The following MAML3 variants were observed in gnomAD, a reference collection of about 807,000 sequenced individuals.
MAML3 encodes mastermind-like protein 3.
In MAML3, 27 loss-of-function variants were observed where a neutral mutation model predicts 101.9. The observed-to-expected ratio is 0.27, with a 90% CI of 0.20 to 0.37. The LOEUF (loss-of-function observed/expected upper bound fraction) is 0.37, where lower values mean the gene tolerates loss of function less well. Among genes scored for constraint, MAML3 ranks in the 10% least tolerant of loss-of-function variants. The pLI, the probability that MAML3 is intolerant of heterozygous loss-of-function variation, is 1.00. For missense variants in MAML3, 1,316 were observed against 1,444.9 expected, an observed-to-expected ratio of 0.91 and a Z score of 1.45; for synonymous variants, 501 against 555.9, an observed-to-expected ratio of 0.90 and a Z score of 1.39.
chr4:139,889,909 TTGCTGCTGCTGCTGC>T lies in MAML3; in HGVS notation c.1512_1526del (p.Gln506_Gln510del), dbSNP rs58015886. On this transcript the variant is annotated inframe_deletion, in exon 2 of 5. Coordinates refer to ENST00000509479, the MANE Select transcript of MAML3 (RefSeq NM_018717.5). ...AATTTGAAGTCTGATTTGAGTGCTGTTGCTGCTGCTGCTGCTGCTGCTGCTGCTGCTGCTGCTGCT... is the reference window on the plus strand; with the variant it reads ...AATTTGAAGTCTGATTTGAGTGCTGTTGCTGCTGCTGCTGCTGCTGCTGCT... The T allele has an allele frequency of 5.0e-4, 732 of 1,476,490 alleles. 15 individuals carry two copies. In the Middle Eastern group the frequency reaches 8.5e-3, roughly 17 times the overall value. The allele number at this position is 1,476,490 out of a possible 1,614,324, so 91.5% of individuals were successfully genotyped here. A position where few individuals can be genotyped will look rare whatever the true frequency, so the allele number is the denominator to read the frequency against.
chr4:139,719,979 C>G lies in MAML3; in HGVS notation c.2761G>C (p.Val921Leu), dbSNP rs1728163780. ...TGTTGCTGGGTAATGGCTGAGTTCA[C>G]CAGCATGCTCTGACCAAAGCCACTC... is the stretch of plus-strand genomic sequence containing the variant. ...MVSGFGQSML[V>L]NSAITQQHPQ... is the part of the protein sequence containing the mutation. Residue 921 changes from valine to leucine, a missense_variant, in exon 5 of 5, where the codon GTG becomes CTG. Coordinates refer to ENST00000509479, the MANE Select transcript of MAML3 (RefSeq NM_018717.5). The G allele has an allele frequency of 6.2e-7, 1 of 1,613,962 alleles. No homozygotes were observed. The highest frequency in any genetic ancestry group is 8.5e-7 in the Non-Finnish European group (1 of 1,179,908).
intron 2 of MAML3, among the ~76,000 whole-genome samples, chr4:139,781,503 A>C: frequency 7.8e-6 from 1 of 127,806 alleles, no homozygotes; most frequent in African/African-American, 3.3e-5. Flanking sequence ...ATCGCAGAGC[A>C]TTTTCATATA....
chr4:140,050,495 A>G (rs1229959348), intron 1 of MAML3, among the ~76,000 whole-genome samples: 2 of 152,174 alleles, frequency 1.3e-5, no homozygotes, highest in African/African-American at 4.8e-5. Flanking sequence ...CACTGACTAC[A>G]GTGACACCTA....
intron 1 of MAML3, among the ~76,000 whole-genome samples, chr4:140,123,559 G>T (rs1259753451): frequency 2.0e-5 from 3 of 151,750 alleles, no homozygotes; most frequent in African/African-American, 7.3e-5. Context: ...CTGTTTTCTG[G>T]TTCCTAAGTC....
chr4:140,076,364 T>C (rs1727765898), intron 1 of MAML3, among the ~76,000 whole-genome samples: 1 of 152,172 alleles, frequency 6.6e-6, no homozygotes, highest in African/African-American at 2.4e-5. Context: ...ATGCATTTTT[T>C]TGTAAAACAA....
intron 1 of MAML3, among the ~76,000 whole-genome samples, chr4:139,897,826 A>C (rs1732641594): frequency 6.6e-6 from 1 of 151,870 alleles, no homozygotes; most frequent in African/African-American, 2.4e-5. Context: ...TCCCAGCTAA[A>C]CTCTCCAGGC....
In MAML3 at chr4:139,842,755, C is replaced by T. The variant is rs534322571; in HGVS notation, c.2079+46602G>A. Reference sequence around the variant, plus strand: ...CTCGAACTCCTGGCCTCAAGTTATCCGCTTGCCTTTTTTTTTTTTTTTTTT... The same window carrying T: ...CTCGAACTCCTGGCCTCAAGTTATCTGCTTGCCTTTTTTTTTTTTTTTTTT... On this transcript the variant is annotated intron_variant, in intron 2 of 4. Coordinates refer to ENST00000509479, the MANE Select transcript of MAML3 (RefSeq NM_018717.5). Among the ~76,000 whole-genome samples, 16 of 124,130 alleles carry T rather than the reference C, an allele frequency of 1.3e-4. No homozygotes were observed. The South Asian group carries it at 1.8e-3, about 14-fold the overall frequency. 81.4% of individuals were successfully genotyped at this position (124,130 alleles called of 152,430 possible). A position where few individuals can be genotyped will look rare whatever the true frequency, so the allele number is the denominator to read the frequency against.
chr4:139,730,362 G>C, intron 3 of MAML3, 54 bp downstream of exon 3: 1 of 1,486,496 alleles, frequency 6.7e-7, no homozygotes, highest in Non-Finnish European at 9.1e-7. Flanking sequence ...GCAGGCAGGT[G>C]CTGAATAAGT....
At chr4:139,910,091 G>C (rs1333194699) in intron 1 of MAML3, among the ~76,000 whole-genome samples, 2 of 152,204 alleles carry the variant, frequency 1.3e-5, no homozygotes, top group Non-Finnish European at 1.5e-5. Flanking sequence ...CAAATTTGTA[G>C]TGTCAGTTGC....
At chr4:139,995,469 G>A (rs1358328618) in intron 1 of MAML3, among the ~76,000 whole-genome samples, 2 of 152,142 alleles carry the variant, frequency 1.3e-5, no homozygotes, top group African/African-American at 4.8e-5. Context: ...ATCTGGGCCT[G>A]TGCTTTTCGG....
intron 2 of MAML3, among the ~76,000 whole-genome samples, chr4:139,784,139 T>C (rs138879117): frequency 9.9e-5 from 15 of 152,244 alleles, no homozygotes; most frequent in African/African-American, 3.1e-4. Context: ...GCAAGGAAAA[T>C]GGCTAGCAAA....
intron 2 of MAML3, among the ~76,000 whole-genome samples, chr4:139,840,478 A>G (rs1191128077): frequency 6.6e-6 from 1 of 152,224 alleles, no homozygotes; most frequent in African/African-American, 2.4e-5. Flanking sequence ...CCCAGCAAGA[A>G]TCACCCAGAC....
At chr4:139,923,950 A>G (rs148041290) in intron 1 of MAML3, among the ~76,000 whole-genome samples, 308 of 152,330 alleles carry the variant, frequency 2.0e-3, no homozygotes, top group African/African-American at 7.1e-3. Flanking sequence ...GTACCTTGCT[A>G]TATCTCCAGA....
chr4:139,855,207 T>C (rs1731635727), intron 2 of MAML3, among the ~76,000 whole-genome samples: 1 of 152,226 alleles, frequency 6.6e-6, no homozygotes, highest in Non-Finnish European at 1.5e-5. Context: ...CTGTCCTCAC[T>C]CTATTTGAAT....
intron 2 of MAML3, among the ~76,000 whole-genome samples, chr4:139,814,025 AACAC>A (rs70943442): frequency 1.0e-3 from 148 of 145,138 alleles, no homozygotes; most frequent in East Asian, 2.0e-3. Context: ...CACAAACACA[AACAC>A]ACACACACAC....
rs533343110 is a variant in MAML3 at position 139,960,016 on chromosome 4, G to A, written c.469-69049C>T. Among the ~76,000 whole-genome samples the A allele has an allele frequency of 3.3e-5, 5 of 152,282 alleles. No homozygotes were observed. In the South Asian group the frequency reaches 1.0e-3, roughly 32 times the overall value. On this transcript the variant is annotated intron_variant, in intron 1 of 4. Transcript: ENST00000509479. The stretch of plus-strand genomic sequence containing the variant: ...AAAAGCAGAGACTATCATTTAGCTG[G>A]AGAGAACCACAGAGATCCAAGTACA...
chr4:140,088,154 G>C (rs766341983), intron 1 of MAML3, among the ~76,000 whole-genome samples: 36 of 151,720 alleles, frequency 2.4e-4, no homozygotes, highest in Non-Finnish European at 4.1e-4. Flanking sequence ...GGAGTTCGAG[G>C]TTATGGTGAG....
intron 1 of MAML3, among the ~76,000 whole-genome samples, chr4:140,051,607 A>G (rs1034898417): frequency 1.3e-5 from 2 of 152,026 alleles, no homozygotes; most frequent in Middle Eastern, 3.2e-3. Context: ...AGCTTGTTTC[A>G]TTTTTGACAA....
At chr4:139,996,895 C>G (rs1354921602) in intron 1 of MAML3, among the ~76,000 whole-genome samples, 1 of 151,810 alleles carries the variant, frequency 6.6e-6, no homozygotes, top group Non-Finnish European at 1.5e-5. Context: ...CCCATCTCTA[C>G]TAAAATACAA....
Sources: gnomAD v4.1 joint callset for allele counts (sites outside exome capture counted in the v4.1 genomes callset) on GRCh38, gnomAD v4.1.1 for gene constraint, MANE v1.5 for transcripts, NCBI Gene and HGNC (gene_info 2026-07-23, HGNC 2026-07-21) for gene names.